Variants in LINC00632 observed in about 807,000 individuals in gnomAD.
The protein encoded by LINC00632 is long independently transcribed non-coding RNA 632.
chrX:140,769,635 C>T (rs780116273), intron 3 of LINC00632, among the ~76,000 whole-genome samples: 2 of 111,606 alleles, frequency 1.8e-5, no homozygotes, highest in South Asian at 7.6e-4. Context: ...TCCACCTCAT[C>T]TAAGAAATCT....
At chrX:140,764,019 A>T (rs1569354905) in intron 3 of LINC00632, among the ~76,000 whole-genome samples, 1 of 110,814 alleles carries the variant, frequency 9.0e-6, no homozygotes, top group African/African-American at 3.3e-5. Flanking sequence ...CTCCTCTGAA[A>T]GCTTTTTTAT....
chrX:140,751,247 G>A (rs1310760320), intron 3 of LINC00632, among the ~76,000 whole-genome samples: 1 of 106,114 alleles, frequency 9.4e-6, no homozygotes, highest in Non-Finnish European at 1.9e-5. Context: ...CACCAGCAGT[G>A]TAAAAGTTCT....
exon 5 of LINC00632, among the ~76,000 whole-genome samples, chrX:140,790,940 G>A (rs1022089066): frequency 2.7e-5 from 3 of 110,945 alleles, no homozygotes; most frequent in African/African-American, 9.8e-5. Flanking sequence ...CATGCCATTT[G>A]TAAATAATAA....
chrX:140,741,731 A>G lies in LINC00632; in HGVS notation n.191+7767A>G, dbSNP rs963003664. ...GTTGTAAAGGGGAATAGCTCATAAT[A>G]GAGACCTTGGGGAAGTCAGGAAATA... On this transcript the variant is annotated intron_variant and non_coding_transcript_variant, in intron 3 of 4. Coordinates refer to ENST00000648200, the Ensembl canonical transcript of LINC00632. Among the ~76,000 whole-genome samples the G allele has an allele frequency of 3.6e-5, 4 of 112,245 alleles. No individual in the cohort carries two copies. In the East Asian group the frequency reaches 8.4e-4, roughly 24 times the overall value.
intron 3 of LINC00632, among the ~76,000 whole-genome samples, chrX:140,741,415 G>C (rs1384635609): frequency 8.9e-6 from 1 of 111,878 alleles, no homozygotes; most frequent in Non-Finnish European, 1.9e-5. Flanking sequence ...GTTGTCAAAA[G>C]GGCTGGGTTG....
At chrX:140,723,630 TACACACACACATTCCATAC>T (rs1930799661) in intron 2 of LINC00632, among the ~76,000 whole-genome samples, 13 of 32,162 alleles carry the variant, frequency 4.0e-4, no homozygotes, top group South Asian at 1.5e-3. Context: ...ACACATTCCA[TACACACACACATTCCATAC>T]ACACACACAT....
intron 2 of LINC00632, among the ~76,000 whole-genome samples, chrX:140,719,881 A>G (rs1930697975): frequency 9.2e-6 from 1 of 108,562 alleles, no homozygotes; most frequent in African/African-American, 3.4e-5. Context: ...CAAGGTTAGG[A>G]GTTTGAGACC....
At chrX:140,752,174 T>C (rs111776564) in intron 3 of LINC00632, among the ~76,000 whole-genome samples, 4,230 of 111,649 alleles carry the variant, frequency 0.038, 185 homozygotes, top group African/African-American at 0.13. Context: ...CTCAAATGCA[T>C]CCCTGTCATC....
intron 3 of LINC00632, among the ~76,000 whole-genome samples, chrX:140,752,079 C>A (rs1438540515): frequency 9.0e-6 from 1 of 111,267 alleles, no homozygotes; most frequent in Non-Finnish European, 1.9e-5. Flanking sequence ...GCTTTTCTCC[C>A]ACTCTGACTG....
At chrX:140,790,022 A>C (rs1054982187) in exon 5 of LINC00632, among the ~76,000 whole-genome samples, 2 of 111,388 alleles carry the variant, frequency 1.8e-5, no homozygotes, top group Non-Finnish European at 3.8e-5. Context: ...AGATTAAAAA[A>C]GTATTCTCCT....
At chrX:140,786,250 T>G (rs1044495787) in exon 5 of LINC00632, among the ~76,000 whole-genome samples, 6 of 112,444 alleles carry the variant, frequency 5.3e-5, no homozygotes, top group Non-Finnish European at 7.5e-5. Context: ...CCTCATTCAT[T>G]CAACAAATAT....
chrX:140,711,024 A>T (rs1930503904), intron 1 of LINC00632, among the ~76,000 whole-genome samples: 1 of 111,604 alleles, frequency 9.0e-6, no homozygotes. Flanking sequence ...CATTCTATAC[A>T]TACTGACATG....
At chrX:140,750,408 G>A (rs1460617145) in intron 3 of LINC00632, among the ~76,000 whole-genome samples, 1 of 110,050 alleles carries the variant, frequency 9.1e-6, no homozygotes, top group African/African-American at 3.3e-5. Flanking sequence ...GATTTTAAGC[G>A]TTGTCACCAC....
intron 2 of LINC00632, among the ~76,000 whole-genome samples, chrX:140,727,319 T>C (rs909110444): frequency 8.9e-6 from 1 of 111,936 alleles, no homozygotes; most frequent in African/African-American, 3.2e-5. Context: ...AAGATGGATT[T>C]TCGCTCTTGT....
At position 140,769,609 on chromosome X, in the gene LINC00632, A is replaced by G. The variant is rs749246762; in HGVS notation, n.192-2469A>G. 8.1e-5 allele frequency among the ~76,000 whole-genome samples: 9 copies of G among 111,092 alleles called. No individual in the cohort carries two copies. In the East Asian group the frequency reaches 2.6e-3, roughly 32 times the overall value. On this transcript the variant is annotated intron_variant and non_coding_transcript_variant, in intron 3 of 4. Coordinates refer to ENST00000648200, the Ensembl canonical transcript of LINC00632. ...AAACATAAACCCTTTCGTTAATATCAAGACAGCTAAACAACTCCACCTCAT... is the reference window on the plus strand; with the variant it reads ...AAACATAAACCCTTTCGTTAATATCGAGACAGCTAAACAACTCCACCTCAT...
At chrX:140,729,450 C>T (rs1280896460) in intron 2 of LINC00632, among the ~76,000 whole-genome samples, 1 of 110,873 alleles carries the variant, frequency 9.0e-6, no homozygotes, top group Non-Finnish European at 1.9e-5. Flanking sequence ...AAGATTGCCC[C>T]ATCACATGGA....
At chrX:140,755,944 A>G (rs1033443553) in intron 3 of LINC00632, among the ~76,000 whole-genome samples, 4 of 110,841 alleles carry the variant, frequency 3.6e-5, no homozygotes, top group African/African-American at 1.3e-4. Flanking sequence ...CTAAATAAGG[A>G]GTCATTAAAA....
intron 2 of LINC00632, among the ~76,000 whole-genome samples, chrX:140,733,146 TA>T (rs1377878845): frequency 8.9e-6 from 1 of 112,569 alleles, no homozygotes; most frequent in Non-Finnish European, 1.9e-5. Flanking sequence ...ATACACTGTG[TA>T]AAAGTAGATG....
Position 140,759,320 on chromosome X carries a change from CCTTCCTTCCTTCCTTCCTTCCTTCCTTT to C in LINC00632, n.192-12754_192-12727del, listed in dbSNP as rs1400295129. Among the ~76,000 whole-genome samples, 659 of 70,123 alleles carry C rather than the reference CCTTCCTTCCTTCCTTCCTTCCTTCCTTT, an allele frequency of 9.4e-3. 4 individuals carry two copies. The highest frequency in any genetic ancestry group is 0.015 in the Non-Finnish European group (528 of 34,159). The allele number at this position is 70,123 out of a possible 115,157, so 60.9% of individuals were successfully genotyped here. Reference sequence around the variant, plus strand: ...TCCTTCCTTCCTTCCTTCCTTCCTTCCTTCCTTCCTTCCTTCCTTCCTTCCTTTCTTTCTTTCTTTCTTTCTTTTTAAA... The same window carrying C: ...TCCTTCCTTCCTTCCTTCCTTCCTTCCTTTCTTTCTTTCTTTCTTTTTAAA... On this transcript the variant is annotated intron_variant and non_coding_transcript_variant, in intron 3 of 4. Coordinates refer to ENST00000648200, the Ensembl canonical transcript of LINC00632.
Sources: allele counts gnomAD v4.1 joint callset (sites outside exome capture counted in the v4.1 genomes callset), GRCh38; gene constraint gnomAD v4.1.1; transcripts MANE v1.5; gene names NCBI Gene and HGNC (gene_info 2026-07-23, HGNC 2026-07-21).